Variants in CERKL observed in about 807,000 individuals in gnomAD.
The protein encoded by CERKL is ceramide kinase-like protein.
CERKL carries 61 observed loss-of-function variants against 63.4 expected under a neutral mutation model. The observed-to-expected ratio is 0.96, with a 90% CI of 0.78 to 1.19. CERKL has a LOEUF of 1.19. Ranked by LOEUF, CERKL falls within the 50% of genes most tolerant of loss-of-function variation. The pLI, the probability that CERKL is intolerant of heterozygous loss-of-function variation, is 0.00. For missense variants in CERKL, 675 were observed against 655.5 expected (o/e 1.03, Z -0.33); for synonymous variants, 250 against 230.5 (o/e 1.08, Z -0.77).
At chr2:181,608,128 C>T (rs993678813) in intron 1 of CERKL, among the ~76,000 whole-genome samples, 1 of 151,946 alleles carries the variant, frequency 6.6e-6, no homozygotes, top group African/African-American at 2.4e-5. Flanking sequence ...CCTCAGCCTC[C>T]CTAGTAACTG....
chr2:181,650,716 A>C (rs1687891315), intron 1 of CERKL, among the ~76,000 whole-genome samples: 1 of 151,920 alleles, frequency 6.6e-6, no homozygotes, highest in Admixed American at 6.6e-5. Context: ...CCGAGATCAC[A>C]CCATTGCACT....
intron 1 of CERKL, among the ~76,000 whole-genome samples, chr2:181,656,192 C>A (rs973961557): frequency 1.3e-5 from 2 of 151,954 alleles, no homozygotes; most frequent in Admixed American, 6.6e-5. Context: ...GTTTCTAGAC[C>A]GAGCCTGAAG....
At chr2:181,586,145 G>C (rs1444851201) in intron 2 of CERKL, among the ~76,000 whole-genome samples, 1 of 152,070 alleles carries the variant, frequency 6.6e-6, no homozygotes, top group Non-Finnish European at 1.5e-5. Flanking sequence ...AGAAAAAAAA[G>C]CCTTTAGATT....
At chr2:181,600,341 T>C (rs1183476514) in intron 2 of CERKL, among the ~76,000 whole-genome samples, 1 of 152,212 alleles carries the variant, frequency 6.6e-6, no homozygotes, top group African/African-American at 2.4e-5. Flanking sequence ...ATATCAAATG[T>C]ATAGGAACAA....
chr2:181,604,208 T>C (rs1298539372), intron 1 of CERKL, 129 bp from the exon 2 acceptor site: 16 of 685,576 alleles, frequency 2.3e-5, no homozygotes, highest in East Asian at 5.5e-5. Flanking sequence ...TAATGGGTAC[T>C]GGGCTTAATA....
At chr2:181,611,542 G>C (rs1685970160) in intron 1 of CERKL, among the ~76,000 whole-genome samples, 1 of 151,830 alleles carries the variant, frequency 6.6e-6, no homozygotes, top group Non-Finnish European at 1.5e-5. Flanking sequence ...CAAATAAGCT[G>C]GGCATGGTGG....
chr2:181,633,273 A>T (rs989500118), intron 1 of CERKL, among the ~76,000 whole-genome samples: 1 of 152,244 alleles, frequency 6.6e-6, no homozygotes, highest in Admixed American at 6.5e-5. Flanking sequence ...CCAAGGGACA[A>T]AAAGGGGACT....
At chr2:181,624,231 T>C (rs1333603303) in intron 1 of CERKL, among the ~76,000 whole-genome samples, 1 of 152,072 alleles carries the variant, frequency 6.6e-6, no homozygotes, top group East Asian at 1.9e-4. Context: ...ATGTACACTT[T>C]AAAATTAACA....
chr2:181,627,377 A>G (rs771709854), intron 1 of CERKL, among the ~76,000 whole-genome samples: 12 of 152,234 alleles, frequency 7.9e-5, no homozygotes, highest in Non-Finnish European at 1.0e-4. Context: ...TGAGAGATAC[A>G]GAAAAGAATG....
At position 181,537,039 on chromosome 2, in the gene CERKL, T is replaced by TG. The variant is rs2105779900; in HGVS notation, c.*1144_*1145insC. The TG allele has an allele frequency of 2.2e-6, 1 of 444,922 alleles. No homozygotes were observed. The highest frequency in any genetic ancestry group is 2.0e-5 in the African/African-American group (1 of 49,718). The allele number at this position is 444,922 out of a possible 1,614,324, so 27.6% of individuals were successfully genotyped here. ...GAATGTTCTGAGATTTGCGAAGGCA[T>TG]TTGAGTAGTGAAATGTAAGCACAAA... On this transcript the variant is annotated 3_prime_UTR_variant, in exon 13 of 13. Transcript: ENST00000410087.
intron 1 of CERKL, among the ~76,000 whole-genome samples, chr2:181,628,193 C>A (rs1686795447): frequency 6.6e-6 from 1 of 152,096 alleles, no homozygotes; most frequent in Non-Finnish European, 1.5e-5. Flanking sequence ...AAACGCAACA[C>A]CATCAACTTC....
chr2:181,577,163 G>A lies in CERKL; in HGVS notation c.482-3279C>T, dbSNP rs138248090. Among the ~76,000 whole-genome samples, 663 of 152,214 alleles carry A rather than the reference G, an allele frequency of 4.4e-3. 4 individuals are homozygous for A. The highest frequency in any genetic ancestry group is 0.015 in the African/African-American group (624 of 41,520). On this transcript the variant is annotated intron_variant, in intron 2 of 12. Transcript: ENST00000410087. ...AACCAACATTCTAGAAATCATCCTC[G>A]TTGAAGGAGAGGAGACCAAAAACTG...
rs573884032 is a variant in CERKL, at chr2:181,639,968, CTAGGAATGTACATGGGAATT to C, written c.238+16781_238+16800del. 2.8e-3 allele frequency among the ~76,000 whole-genome samples: 431 copies of C among 152,280 alleles called. 2 individuals carry two copies. The highest frequency in any genetic ancestry group is 9.3e-3 in the African/African-American group (387 of 41,558). On this transcript the variant is annotated intron_variant, in intron 1 of 12. Transcript: ENST00000410087. ...CCAGAACACTGTTTCTAATGAAAAT[CTAGGAATGTACATGGGAATT>C]CCCTGATGCCAGCTGGTACATTATT...
At chr2:181,551,025 C>T (rs72883678) in intron 5 of CERKL, among the ~76,000 whole-genome samples, 20,922 of 152,036 alleles carry the variant, frequency 0.14, 1,572 homozygotes, top group East Asian at 0.22. Flanking sequence ...AGTTGAGAAA[C>T]AATGTCTTGT....
chr2:181,559,199 T>C (rs777836372), intron 4 of CERKL, among the ~76,000 whole-genome samples: 7 of 152,198 alleles, frequency 4.6e-5, no homozygotes, highest in Non-Finnish European at 8.8e-5. Flanking sequence ...TATATGAATG[T>C]AGTAATTACA....
intron 2 of CERKL, among the ~76,000 whole-genome samples, chr2:181,594,542 G>T (rs527275276): frequency 1.3e-5 from 2 of 152,294 alleles, no homozygotes. Context: ...AACACAGCTT[G>T]GCATCAGATG....
chr2:181,625,821 G>A (rs546492659), intron 1 of CERKL, among the ~76,000 whole-genome samples: 3 of 152,202 alleles, frequency 2.0e-5, no homozygotes, highest in African/African-American at 7.2e-5. Context: ...CTAGGAGTTA[G>A]AGAAACAGGG....
At chr2:181,539,379 A>C in intron 11 of CERKL, 115 bp from the exon 12 acceptor site, 1 of 699,940 alleles carries the variant, frequency 1.4e-6, no homozygotes, top group Non-Finnish European at 2.5e-6. Context: ...CTGACATTTT[A>C]ATAGCTTTGA....
At chr2:181,551,862 G>C (rs1688002573) in intron 5 of CERKL, among the ~76,000 whole-genome samples, 1 of 152,106 alleles carries the variant, frequency 6.6e-6, no homozygotes, top group Non-Finnish European at 1.5e-5. Context: ...ATGAGGTGTG[G>C]AATTTTCCAG....
Sources: allele counts gnomAD v4.1 joint callset (sites outside exome capture counted in the v4.1 genomes callset), GRCh38; gene constraint gnomAD v4.1.1; transcripts MANE v1.5; gene names NCBI Gene and HGNC (gene_info 2026-07-23, HGNC 2026-07-21).